HSD17B3: variants seen among roughly 807,000 people sequenced by gnomAD.
HSD17B3 encodes hydroxysteroid 17-beta dehydrogenase 3, also known as 17-beta-hydroxysteroid dehydrogenase type 3.
In HSD17B3, 29 loss-of-function variants were observed where a neutral mutation model predicts 41.1. The observed-to-expected ratio is 0.71, with a 90% CI of 0.53 to 0.96. HSD17B3 has a LOEUF of 0.96. HSD17B3 is among the 40% of genes least tolerant of loss of function. The probability of loss-of-function intolerance (pLI) is 0.00; values close to 1 mark genes in which losing one functional copy is unlikely to be tolerated. For missense variants in HSD17B3, 323 were observed against 374.6 expected, an observed-to-expected ratio of 0.86 and a Z score of 1.14; for synonymous variants, 126 against 145.6, an observed-to-expected ratio of 0.87 and a Z score of 0.97.
intron 8 of HSD17B3, 62 bp from the exon 9 acceptor site, chr9:96,244,456 C>T (rs1836577935): frequency 6.7e-7 from 1 of 1,494,902 alleles, no homozygotes. Context: ...GAGCCAACTT[C>T]CTCTGACTTC....
intron 2 of HSD17B3, among the ~76,000 whole-genome samples, chr9:96,273,211 G>T (rs1587759301): frequency 6.6e-6 from 1 of 152,122 alleles, no homozygotes; most frequent in African/African-American, 2.4e-5. Flanking sequence ...ATTGGGTAAA[G>T]AATACATATT....
intron 8 of HSD17B3, 137 bp from the exon 9 acceptor site, chr9:96,244,531 G>T (rs1836582297): frequency 1.3e-6 from 1 of 798,674 alleles, no homozygotes; most frequent in Admixed American, 1.9e-5. Context: ...TGGGTACGGA[G>T]GGTACGGAGT....
chr9:96,252,897 C>A lies in HSD17B3; in HGVS notation c.291G>T (p.Gly97=). Residue 97 remains glycine (G), a synonymous_variant, in exon 4 of 11, where the codon GGG becomes GGT. Coordinates refer to ENST00000375263, the MANE Select transcript of HSD17B3 (RefSeq NM_000197.2). ...CTGCTTGTATAATCTTCACACTCCT[C>A]CCTGTAGTCCGCTCTACACGAGAGA... ...AIATEIERTT[G]RSVKIIQADF... 6.2e-7 allele frequency: 1 copy of A among 1,607,776 alleles called. No individual in the cohort carries two copies. The highest frequency in any genetic ancestry group is 1.1e-5 in the South Asian group (1 of 90,916).
chr9:96,269,947 T>C (rs1026783357), intron 2 of HSD17B3, among the ~76,000 whole-genome samples: 1 of 138,972 alleles, frequency 7.2e-6, no homozygotes, highest in Non-Finnish European at 1.6e-5. Context: ...ATAGAATACA[T>C]AGGACTCAAT....
chr9:96,264,919 CA>C (rs1448350681), intron 2 of HSD17B3, among the ~76,000 whole-genome samples: 1 of 152,114 alleles, frequency 6.6e-6, no homozygotes, highest in Non-Finnish European at 1.5e-5. Flanking sequence ...TACATTCTGA[CA>C]AAATAGTTTT....
At chr9:96,244,237 G>T (rs761898320) in intron 9 of HSD17B3, 92 bp downstream of exon 9, 8 of 1,274,214 alleles carry the variant, frequency 6.3e-6, no homozygotes, top group Non-Finnish European at 9.2e-6. Context: ...AGTGGCCCCA[G>T]CCACGGGAGG....
intron 8 of HSD17B3, among the ~76,000 whole-genome samples, chr9:96,244,796 C>T (rs8190551): frequency 0.021 from 3,259 of 152,098 alleles, 112 homozygotes; most frequent in African/African-American, 0.074. Flanking sequence ...TTGTCAAGTA[C>T]GCCTTAATAA....
chr9:96,287,334 C>T (rs1328477220), intron 2 of HSD17B3, among the ~76,000 whole-genome samples: 3 of 152,202 alleles, frequency 2.0e-5, no homozygotes, highest in African/African-American at 7.2e-5. Flanking sequence ...CCAACACACA[C>T]AGCCACTGGG....
chr9:96,281,551 A>G (rs1000701651), intron 2 of HSD17B3, among the ~76,000 whole-genome samples: 1 of 152,160 alleles, frequency 6.6e-6, no homozygotes, highest in East Asian at 1.9e-4. Flanking sequence ...CCCCTCTCAG[A>G]AAAGTCCCTC....
At chr9:96,247,937 A>G (rs1320337526) in intron 6 of HSD17B3, among the ~76,000 whole-genome samples, 1 of 152,238 alleles carries the variant, frequency 6.6e-6, no homozygotes, top group African/African-American at 2.4e-5. Flanking sequence ...TCTAACCAGC[A>G]TGGTTCACTG....
chr9:96,253,619 C>T (rs1194814343), intron 3 of HSD17B3, among the ~76,000 whole-genome samples: 2 of 152,190 alleles, frequency 1.3e-5, no homozygotes, highest in Admixed American at 6.5e-5. Flanking sequence ...CTCCCCACTA[C>T]TCTGTGTTAA....
intron 2 of HSD17B3, among the ~76,000 whole-genome samples, chr9:96,273,700 T>C (rs888839799): frequency 3.3e-5 from 5 of 151,858 alleles, no homozygotes; most frequent in Non-Finnish European, 5.9e-5. Flanking sequence ...GGTCATAACT[T>C]CCCCCATGAG....
intron 2 of HSD17B3, among the ~76,000 whole-genome samples, chr9:96,276,819 GGA>G (rs1372901379): frequency 2.0e-5 from 3 of 152,200 alleles, no homozygotes; most frequent in Non-Finnish European, 2.9e-5. Context: ...AAGACATAGG[GGA>G]GAATCTTCCT....
chr9:96,253,283 GCCACCT>G (rs1825501897), intron 3 of HSD17B3, among the ~76,000 whole-genome samples: 1 of 152,112 alleles, frequency 6.6e-6, no homozygotes, highest in African/African-American at 2.4e-5. Flanking sequence ...AGCCCAGCCA[GCCACCT>G]GCTTAACACA....
At chr9:96,298,180 A>G (rs973297961) in intron 2 of HSD17B3, among the ~76,000 whole-genome samples, 1 of 152,188 alleles carries the variant, frequency 6.6e-6, no homozygotes, top group African/African-American at 2.4e-5. Context: ...ATGCCCCACA[A>G]ATTCCCAAAA....
At chr9:96,263,367 T>C (rs1825931657) in intron 2 of HSD17B3, among the ~76,000 whole-genome samples, 1 of 151,978 alleles carries the variant, frequency 6.6e-6, no homozygotes, top group South Asian at 2.1e-4. Flanking sequence ...ATTGGGTAAT[T>C]GAGCAACAAA....
chr9:96,292,513 A>T (rs1021490282), intron 2 of HSD17B3, among the ~76,000 whole-genome samples: 17 of 151,974 alleles, frequency 1.1e-4, no homozygotes, highest in Non-Finnish European at 2.2e-4. Context: ...ATGCCCAGCT[A>T]ATTTTTGTAT....
chr9:96,255,140 T>C (rs1825578780), intron 2 of HSD17B3, among the ~76,000 whole-genome samples, 197 bp from the exon 3 acceptor site: 1 of 152,102 alleles, frequency 6.6e-6, no homozygotes, highest in Non-Finnish European at 1.5e-5. Flanking sequence ...GGCTAACTAG[T>C]AGGGCCATCA....
chr9:96,268,575 A>G (rs1826123662), intron 2 of HSD17B3, among the ~76,000 whole-genome samples: 2 of 152,184 alleles, frequency 1.3e-5, no homozygotes, highest in Admixed American at 6.5e-5. Flanking sequence ...TAAAAAACCA[A>G]TCATTCCAAA....
Sources: gnomAD v4.1 joint callset for allele counts (sites outside exome capture counted in the v4.1 genomes callset) on GRCh38, gnomAD v4.1.1 for gene constraint, MANE v1.5 for transcripts, NCBI Gene and HGNC (gene_info 2026-07-23, HGNC 2026-07-21) for gene names.